TNFAIP6: variants seen among roughly 807,000 people sequenced by gnomAD.
The protein encoded by TNFAIP6 is tumor necrosis factor-inducible gene 6 protein.
In TNFAIP6, 36 loss-of-function variants were observed where a neutral mutation model predicts 33.7. That is an observed-to-expected ratio of 1.07 (90% confidence interval 0.82 to 1.41). The LOEUF is 1.41. Among genes scored for constraint, TNFAIP6 ranks in the 40% most tolerant of loss-of-function variants. The probability of loss-of-function intolerance (pLI) is 0.00; values close to 1 mark genes in which losing one functional copy is unlikely to be tolerated. For missense variants in TNFAIP6, 273 were observed against 331.9 expected, an observed-to-expected ratio of 0.82 and a Z score of 1.38; for synonymous variants, 113 against 112.8, an observed-to-expected ratio of 1.00 and a Z score of -0.01.
At chr2:151,364,215 T>G in intron 2 of TNFAIP6, 135 bp downstream of exon 2, 1 of 1,127,088 alleles carries the variant, frequency 8.9e-7, no homozygotes. Flanking sequence ...ATTTCTGCTC[T>G]CTGACTTCTC....
chr2:151,361,568 T>C (rs1684624437), intron 1 of TNFAIP6, among the ~76,000 whole-genome samples: 1 of 152,222 alleles, frequency 6.6e-6, no homozygotes, highest in South Asian at 2.1e-4. Context: ...CAATCTCTAT[T>C]ATAATACGTA....
intron 1 of TNFAIP6, among the ~76,000 whole-genome samples, chr2:151,361,079 G>GT (rs374993163): frequency 2.6e-5 from 4 of 151,730 alleles, no homozygotes; most frequent in South Asian, 2.1e-4. Context: ...TTTTGGTTTG[G>GT]TTTTTTTGTT....
Position 151,379,544 on chromosome 2 carries a change from A to G in TNFAIP6, c.*11A>G. On this transcript the variant is annotated 3_prime_UTR_variant, in exon 6 of 6. Coordinates refer to ENST00000243347, the MANE Select transcript of TNFAIP6 (RefSeq NM_007115.4). The stretch of plus-strand genomic sequence containing the variant: ...TTTAGCCACTTATAAAAAAAAAAAA[A>G]AGGATGATCAAAACACACAGTGTTT... 6.7e-7 allele frequency: 1 copy of G among 1,494,498 alleles called. No homozygotes were observed. The highest frequency in any genetic ancestry group is 9.0e-7 in the Non-Finnish European group (1 of 1,112,910). 92.6% of individuals were successfully genotyped at this position (1,494,498 alleles called of 1,614,324 possible). A position where few individuals can be genotyped will look rare whatever the true frequency, so the allele number is the denominator to read the frequency against.
At chr2:151,365,651 A>G (rs1684696795) in intron 2 of TNFAIP6, among the ~76,000 whole-genome samples, 1 of 152,134 alleles carries the variant, frequency 6.6e-6, no homozygotes, top group East Asian at 1.9e-4. Flanking sequence ...AAAATAGATA[A>G]ATAAGATATT....
intron 1 of TNFAIP6, among the ~76,000 whole-genome samples, chr2:151,358,941 T>C (rs1684578959): frequency 6.6e-6 from 1 of 152,220 alleles, no homozygotes; most frequent in Admixed American, 6.5e-5. Flanking sequence ...TTTTTAAATG[T>C]CATAAAGCTA....
chr2:151,370,166 G>C lies in TNFAIP6; in HGVS notation c.541G>C (p.Asp181His). The change falls in exon 4 of 6, where the codon GAC (aspartate) becomes CAC (histidine). Residue 181 changes from aspartate (D) to histidine (H), a missense_variant. Transcript: ENST00000243347. ...TATTCACCTGAGTTTTTTAGATTTT[G>C]ACCTTGAAGATGACCCAGGTTGCTT... Reference protein sequence around the residue: ...QRIHLSFLDFDLEDDPGCLAD... With the variant: ...QRIHLSFLDFHLEDDPGCLAD... 6.2e-7 allele frequency: 1 copy of C among 1,614,054 alleles called. No homozygotes were observed. Among genetic ancestry groups the C allele is most frequent in the Non-Finnish European group, 8.5e-7 (1 of 1,180,012 alleles).
chr2:151,364,733 A>G (rs1284295729), intron 2 of TNFAIP6, among the ~76,000 whole-genome samples: 1 of 152,068 alleles, frequency 6.6e-6, no homozygotes, highest in Non-Finnish European at 1.5e-5. Context: ...AGAATGGGCC[A>G]CCCCCATTCA....
Position 151,370,261 on chromosome 2 carries a change from C to A in TNFAIP6, c.623+13C>A. ...GCTTTGTGGGAAGGTACGTATGGGT[C>A]CCCATACAGGAAGTTAAATGAACGT... On this transcript the variant is annotated intron_variant, in intron 4 of 5. Transcript: ENST00000243347. 6.4e-7 allele frequency: 1 copy of A among 1,571,634 alleles called. No homozygotes were observed. Among genetic ancestry groups the A allele is most frequent in the Non-Finnish European group, 8.8e-7 (1 of 1,142,226 alleles).
At chr2:151,368,574 T>C (rs10432476) in intron 3 of TNFAIP6, among the ~76,000 whole-genome samples, 72,197 of 151,340 alleles carry the variant, frequency 0.48, 17,724 homozygotes, top group South Asian at 0.61. Context: ...TTATAACATA[T>C]TGAAATCTGT....
intron 1 of TNFAIP6, 34 bp from the exon 2 acceptor site, chr2:151,363,909 A>G (rs372563563): frequency 1.2e-6 from 2 of 1,608,130 alleles, no homozygotes; most frequent in Non-Finnish European, 1.7e-6. Context: ...AAGAAGGAAC[A>G]ACAGTGCTTT....
intron 5 of TNFAIP6, among the ~76,000 whole-genome samples, chr2:151,378,465 G>A (rs1684955487): frequency 6.6e-6 from 1 of 151,576 alleles, no homozygotes; most frequent in Admixed American, 6.6e-5. Flanking sequence ...TAATTCTGTG[G>A]ATGTTCCTTC....
In TNFAIP6 at chr2:151,379,826, T is replaced by G. The variant is rs2152020354; in HGVS notation, c.*293T>G. On this transcript the variant is annotated 3_prime_UTR_variant, in exon 6 of 6. Transcript: ENST00000243347. ...ACCTATATGTATTTGCATTTGAAAT[T>G]TTGGAATCCTGCTCTATGTACAGTT... 5.7e-6 allele frequency: 1 copy of G among 174,900 alleles called. No homozygotes were observed. Among genetic ancestry groups the G allele is most frequent in the East Asian group, 1.5e-4 (1 of 6,730 alleles). 10.8% of individuals were successfully genotyped at this position (174,900 alleles called of 1,614,324 possible). A position where few individuals can be genotyped will look rare whatever the true frequency, so the allele number is the denominator to read the frequency against.
At chr2:151,378,617 A>ATT (rs1558902856) in intron 5 of TNFAIP6, among the ~76,000 whole-genome samples, 1 of 151,512 alleles carries the variant, frequency 6.6e-6, no homozygotes, top group East Asian at 2.0e-4. Flanking sequence ...CCTCCCGAGG[A>ATT]GCTGGGATTA....
At chr2:151,379,229 A>T in intron 5 of TNFAIP6, 135 bp from the exon 6 acceptor site, 1 of 798,424 alleles carries the variant, frequency 1.3e-6, no homozygotes, top group Non-Finnish European at 1.9e-6. Context: ...CTTCAGCTTG[A>T]GAATCGACCT....
chr2:151,363,093 A>C (rs1236710211), intron 1 of TNFAIP6, among the ~76,000 whole-genome samples: 1 of 152,134 alleles, frequency 6.6e-6, no homozygotes, highest in Non-Finnish European at 1.5e-5. Context: ...AGGCAGGTGG[A>C]TCACTTGAGG....
chr2:151,367,744 G>A (rs1425725243), intron 3 of TNFAIP6, among the ~76,000 whole-genome samples: 8 of 151,994 alleles, frequency 5.3e-5, no homozygotes, highest in Admixed American at 5.3e-4. Context: ...AGTGCATTTA[G>A]CTCGCTTTTG....
rs938301739 is a variant in TNFAIP6 at position 151,364,083 on chromosome 2, A to G, written c.232+3A>G. 20 of 1,613,044 alleles carry G rather than the reference A, an allele frequency of 1.2e-5. No individual in the cohort carries two copies. In the Admixed American group the frequency reaches 2.5e-4, roughly 20 times the overall value. ...GCTAGAGGCAGCCAGAAAAATTGGT[A>G]ACTGATTTCACAATGATTTTTCTTC... On this transcript the variant is annotated splice_donor_region_variant and intron_variant, in intron 2 of 5. Coordinates refer to ENST00000243347, the MANE Select transcript of TNFAIP6 (RefSeq NM_007115.4).
chr2:151,366,193 G>T lies in TNFAIP6; in HGVS notation c.370G>T (p.Asp124Tyr). 1 of 1,614,070 alleles carries T rather than the reference G, an allele frequency of 6.2e-7. No homozygotes were observed. The change falls in exon 3 of 6, where the codon GAT (aspartate) becomes TAT (tyrosine). Residue 124 changes from aspartate (D) to tyrosine (Y), a missense_variant. Asp to Tyr is a radical substitution (Grantham distance 160). Coordinates refer to ENST00000243347, the MANE Select transcript of TNFAIP6 (RefSeq NM_007115.4). Reference protein sequence around the residue: ...GIRLNRSERWDAYCYNPHAKE... With the variant: ...GIRLNRSERWYAYCYNPHAKE... Reference sequence around the variant, plus strand: ...CCGTCTCAATAGGAGTGAAAGATGGGATGCCTATTGCTACAACCCACACGG... The same window carrying T: ...CCGTCTCAATAGGAGTGAAAGATGGTATGCCTATTGCTACAACCCACACGG...
In TNFAIP6 at chr2:151,360,436, G is replaced by A. The variant is rs562064857; in HGVS notation, c.94+2676G>A. Among the ~76,000 whole-genome samples the A allele has an allele frequency of 5.3e-5, 8 of 152,220 alleles. No individual in the cohort carries two copies. The East Asian group carries it at 1.5e-3, about 29-fold the overall frequency. The stretch of plus-strand genomic sequence containing the variant: ...ACAACTCCATGGTAGAAACAGCAGT[G>A]GAACCAAAGTCCATTTCTACTGCCG... On this transcript the variant is annotated intron_variant, in intron 1 of 5. Coordinates refer to ENST00000243347, the MANE Select transcript of TNFAIP6 (RefSeq NM_007115.4).
Sources: allele counts gnomAD v4.1 joint callset (sites outside exome capture counted in the v4.1 genomes callset), GRCh38; gene constraint gnomAD v4.1.1; transcripts MANE v1.5; gene names NCBI Gene and HGNC (gene_info 2026-07-23, HGNC 2026-07-21).